Variants in MAGI2 observed in about 807,000 individuals in gnomAD.
MAGI2 encodes membrane associated guanylate kinase, WW and PDZ domain containing 2, also known as membrane-associated guanylate kinase, WW and PDZ domain-containing protein 2.
A neutral mutation model predicts 133.3 loss-of-function variants in MAGI2; 35 were observed. The observed-to-expected ratio is 0.26, with a 90% CI of 0.20 to 0.35. The LOEUF is 0.35. MAGI2 is among the 10% of genes least tolerant of loss of function. The probability of loss-of-function intolerance (pLI) is 1.00; values close to 1 mark genes in which losing one functional copy is unlikely to be tolerated. For synonymous variants in MAGI2, 729 were observed against 710.6 expected (o/e 1.03, Z -0.41); for missense variants, 1,636 against 1,863.4 (o/e 0.88, Z 2.25).
At chr7:78,263,297 T>C (rs1457342972) in intron 9 of MAGI2, among the ~76,000 whole-genome samples, 2 of 152,220 alleles carry the variant, frequency 1.3e-5, no homozygotes, top group Non-Finnish European at 2.9e-5. Context: ...CATGTGTCTT[T>C]TTGGCAGAAC....
At chr7:79,052,003 CA>C (rs1812718452) in intron 1 of MAGI2, among the ~76,000 whole-genome samples, 1 of 151,894 alleles carries the variant, frequency 6.6e-6, no homozygotes, top group East Asian at 1.9e-4. Flanking sequence ...CTTATAATTC[CA>C]AGTAGATAAA....
chr7:79,140,762 C>G (rs115859824), intron 1 of MAGI2, among the ~76,000 whole-genome samples: 4 of 152,050 alleles, frequency 2.6e-5, no homozygotes, highest in African/African-American at 4.8e-5. Context: ...TTTGGTATAT[C>G]GTTGTTCTCC....
At chr7:78,207,551 A>G (rs1162655148) in intron 10 of MAGI2, among the ~76,000 whole-genome samples, 1 of 152,226 alleles carries the variant, frequency 6.6e-6, no homozygotes, top group Non-Finnish European at 1.5e-5. Flanking sequence ...GCTAATTTCC[A>G]TGAGAACTAG....
At chr7:78,877,848 C>T (rs1435262813) in intron 2 of MAGI2, among the ~76,000 whole-genome samples, 1 of 152,204 alleles carries the variant, frequency 6.6e-6, no homozygotes, top group Non-Finnish European at 1.5e-5. Context: ...GATTATCCTA[C>T]ATCATAGCTT....
At chr7:78,877,218 A>C (rs1174380842) in intron 2 of MAGI2, among the ~76,000 whole-genome samples, 3 of 152,210 alleles carry the variant, frequency 2.0e-5, no homozygotes, top group Non-Finnish European at 4.4e-5. Flanking sequence ...TCATTGCTCC[A>C]AGCTAATATA....
At chr7:79,186,351 A>C (rs1391105568) in intron 1 of MAGI2, among the ~76,000 whole-genome samples, 1 of 149,332 alleles carries the variant, frequency 6.7e-6, no homozygotes, top group Non-Finnish European at 1.5e-5. Context: ...CATTGTAGAG[A>C]TCAAAGTAGC....
At chr7:79,389,376 T>C (rs906831311) in intron 1 of MAGI2, among the ~76,000 whole-genome samples, 2 of 152,110 alleles carry the variant, frequency 1.3e-5, no homozygotes, top group African/African-American at 2.4e-5. Context: ...ATTTCTGAGA[T>C]GTTAACTAAA....
intron 2 of MAGI2, among the ~76,000 whole-genome samples, chr7:78,884,965 TA>T (rs1796151744): frequency 3.9e-5 from 6 of 152,148 alleles, no homozygotes; most frequent in African/African-American, 2.4e-5. Context: ...GTGGCAACAA[TA>T]TGCAGCCAAA....
At position 79,211,285 on chromosome 7, in the gene MAGI2, TA is replaced by T. The variant is rs564445099; in HGVS notation, c.302-204080del. ...ACGTACACAAACCTTTCTTTTTATT[TA>T]TTTTTTTTAAGACAGGGTCTTGTTC... is the stretch of plus-strand genomic sequence containing the variant. On this transcript the variant is annotated intron_variant, in intron 1 of 21. Transcript: ENST00000354212. Among the ~76,000 whole-genome samples the T allele has an allele frequency of 1.1e-3, 168 of 152,118 alleles. 3 individuals are homozygous for T. The highest frequency in any genetic ancestry group is 3.8e-3 in the African/African-American group (157 of 41,402).
At chr7:78,453,663 G>A (rs776805225) in intron 6 of MAGI2, among the ~76,000 whole-genome samples, 4 of 152,122 alleles carry the variant, frequency 2.6e-5, no homozygotes, top group Non-Finnish European at 4.4e-5. Flanking sequence ...GTGCAATGCT[G>A]AACAGTTATC....
At chr7:78,967,412 T>C (rs946087272) in intron 2 of MAGI2, among the ~76,000 whole-genome samples, 1 of 152,056 alleles carries the variant, frequency 6.6e-6, no homozygotes, top group Non-Finnish European at 1.5e-5. Context: ...GTCTTTTTAT[T>C]GTGTCAATTG....
intron 2 of MAGI2, among the ~76,000 whole-genome samples, chr7:78,943,795 T>C (rs192997442): frequency 2.6e-3 from 396 of 152,330 alleles, no homozygotes; most frequent in African/African-American, 8.3e-3. Flanking sequence ...ATATTTCTAT[T>C]CCATTCTCCC....
intron 2 of MAGI2, among the ~76,000 whole-genome samples, chr7:78,669,828 T>G (rs1268706257): frequency 1.3e-5 from 2 of 152,146 alleles, no homozygotes. Flanking sequence ...AACCACATGA[T>G]TATCTCAATA....
chr7:78,971,738 AT>A (rs971343577), intron 2 of MAGI2, among the ~76,000 whole-genome samples: 19 of 151,964 alleles, frequency 1.3e-4, no homozygotes, highest in African/African-American at 3.6e-4. Flanking sequence ...TGACTTTGCT[AT>A]TTACAAACTG....
At chr7:78,655,194 G>A (rs1408391328) in intron 2 of MAGI2, among the ~76,000 whole-genome samples, 1 of 151,774 alleles carries the variant, frequency 6.6e-6, no homozygotes, top group Non-Finnish European at 1.5e-5. Context: ...AAAAGTGATA[G>A]TATTACTAAA....
intron 20 of MAGI2, among the ~76,000 whole-genome samples, chr7:78,081,562 A>C (rs1815977577): frequency 6.6e-6 from 1 of 152,198 alleles, no homozygotes; most frequent in African/African-American, 2.4e-5. Flanking sequence ...TTGAAGTGCC[A>C]GTAGGAGTTC....
intron 1 of MAGI2, among the ~76,000 whole-genome samples, chr7:79,262,403 T>C (rs1009622715): frequency 6.6e-6 from 1 of 152,218 alleles, no homozygotes; most frequent in African/African-American, 2.4e-5. Flanking sequence ...GCTTAAAATA[T>C]ACATAACTAA....
intron 7 of MAGI2, among the ~76,000 whole-genome samples, chr7:78,363,240 T>A (rs2151242722): frequency 6.6e-6 from 1 of 152,254 alleles, no homozygotes; most frequent in South Asian, 2.1e-4. Context: ...ACACCTGTAA[T>A]CCCAGCACTT....
At position 79,203,524 on chromosome 7, in the gene MAGI2, C is replaced by T. The variant is rs148606714; in HGVS notation, c.302-196318G>A. 4.1e-4 allele frequency among the ~76,000 whole-genome samples: 62 copies of T among 152,036 alleles called. 2 individuals are homozygous for T. The East Asian group carries it at 7.0e-3, about 17-fold the overall frequency. On this transcript the variant is annotated intron_variant, in intron 1 of 21. Coordinates refer to ENST00000354212, the MANE Select transcript of MAGI2 (RefSeq NM_012301.4). ...GTAGATAATGACAAAGAAAAAAACTCCTTGCAATTTGTTTTTACTATGTTA... is the reference window on the plus strand; with the variant it reads ...GTAGATAATGACAAAGAAAAAAACTTCTTGCAATTTGTTTTTACTATGTTA...
Sources: gnomAD v4.1 joint callset for allele counts (sites outside exome capture counted in the v4.1 genomes callset) on GRCh38, gnomAD v4.1.1 for gene constraint, MANE v1.5 for transcripts, NCBI Gene and HGNC (gene_info 2026-07-23, HGNC 2026-07-21) for gene names.